The following PALD1 variants were observed in gnomAD, a reference collection of about 807,000 sequenced individuals.
PALD1 encodes the protein phosphatase domain containing paladin 1, also known as paladin.
Under a neutral mutation model 96.0 loss-of-function variants are expected in PALD1, and 57 were observed. The ratio of observed to expected loss-of-function variants is 0.59; its 90% CI spans 0.48 to 0.74. The LOEUF (loss-of-function observed/expected upper bound fraction) is 0.74, where lower values mean the gene tolerates loss of function less well. Ranked by LOEUF, PALD1 falls within the 30% of genes least tolerant of loss-of-function variation. PALD1 has a pLI of 0.00. For synonymous variants in PALD1, 464 were observed against 473.6 expected (o/e 0.98, Z 0.26); for missense variants, 1,063 against 1,143.7 (o/e 0.93, Z 1.02).
chr10:70,478,371 G>A (rs1486396504), upstream of PALD1, among the ~76,000 whole-genome samples: 1 of 152,212 alleles, frequency 6.6e-6, no homozygotes, highest in Admixed American at 6.5e-5. Flanking sequence ...CTGTAAAGCA[G>A]AGGGGGGCGA....
intron 1 of PALD1, among the ~76,000 whole-genome samples, chr10:70,507,840 T>A (rs1030189866): frequency 6.6e-6 from 1 of 152,136 alleles, no homozygotes; most frequent in African/African-American, 2.4e-5. Context: ...TTGCCCAGGC[T>A]AGCTTTTTAT....
chr10:70,532,173 G>T (rs1443721610), intron 5 of PALD1, among the ~76,000 whole-genome samples: 2 of 152,062 alleles, frequency 1.3e-5, no homozygotes, highest in African/African-American at 4.8e-5. Flanking sequence ...GCTTGTGGAG[G>T]CCTCTGAGGC....
rs1283654036 is a variant in PALD1 at position 70,566,732 on chromosome 10, AG to A, written c.*4del. ...LEPSAPEDLL[*>X] ...CCCTCTGCCCCCGAGGACTTGCTGT[AG>A]GGGGCCTTACTCCCTGTCCCCCCAC... On this transcript the variant is annotated frameshift_variant and stop_lost, in exon 20 of 20. Transcript: ENST00000263563. LOFTEE classifies it high-confidence loss of function. 4 of 1,585,498 alleles carry A rather than the reference AG, an allele frequency of 2.5e-6. No homozygotes were observed. Among genetic ancestry groups the A allele is most frequent in the African/African-American group, 1.3e-5 (1 of 74,402 alleles).
upstream of PALD1, among the ~76,000 whole-genome samples, chr10:70,478,303 C>A (rs1322351137): frequency 2.0e-5 from 3 of 152,174 alleles, no homozygotes; most frequent in African/African-American, 7.2e-5. Context: ...CCGCACTGCA[C>A]AGCGAGGCCG....
At position 70,555,547 on chromosome 10, in the gene PALD1, A is replaced by G. The variant is rs1847589039; in HGVS notation, c.2262+8101A>G. Among the ~76,000 whole-genome samples, 3 of 152,198 alleles carry G rather than the reference A, an allele frequency of 2.0e-5. No homozygotes were observed. In the South Asian group the frequency reaches 6.2e-4, roughly 32 times the overall value. On this transcript the variant is annotated intron_variant, in intron 18 of 19. Coordinates refer to ENST00000263563, the MANE Select transcript of PALD1 (RefSeq NM_014431.3). Reference sequence around the variant, plus strand: ...GGAAGCTGCCAGCCGCTACTGTGTGACTGCCTGGGTTGGTGCAGAGTTGGT... The same window carrying G: ...GGAAGCTGCCAGCCGCTACTGTGTGGCTGCCTGGGTTGGTGCAGAGTTGGT...
At chr10:70,530,735 G>A (rs1207252177) in intron 4 of PALD1, among the ~76,000 whole-genome samples, 1 of 152,138 alleles carries the variant, frequency 6.6e-6, no homozygotes, top group African/African-American at 2.4e-5. Flanking sequence ...AGAATGGGGT[G>A]GGGGTGTGGG....
Position 70,538,323 on chromosome 10 carries a change from C to A in PALD1, c.1367C>A (p.Ala456Asp). 1 of 1,606,610 alleles carries A rather than the reference C, an allele frequency of 6.2e-7. No individual in the cohort carries two copies. The highest frequency in any genetic ancestry group is 1.1e-5 in the South Asian group (1 of 91,072). ...FALSFSRWLC[A>D]HPELYRLPVT... ...CTCAGTTTCAGCCGCTGGCTGTGTG[C>A]CCACCCTGAGCTGTACCGCCTGCCC... The change falls in exon 12 of 20, where the codon GCC becomes GAC. Residue 456 changes from alanine (A) to aspartate (D), a missense_variant. Physicochemically the swap from Ala to Asp is moderately radical, Grantham distance 126. Coordinates refer to ENST00000263563, the MANE Select transcript of PALD1 (RefSeq NM_014431.3).
At chr10:70,514,115 C>T (rs555518754) in intron 1 of PALD1, among the ~76,000 whole-genome samples, 8 of 152,248 alleles carry the variant, frequency 5.3e-5, no homozygotes, top group Non-Finnish European at 1.2e-4. Context: ...TGCCACAGTG[C>T]CTCTGCGGGC....
chr10:70,525,851 G>A (rs1479325078), intron 1 of PALD1, 72 bp from the exon 2 acceptor site: 5 of 1,203,116 alleles, frequency 4.2e-6, no homozygotes, highest in African/African-American at 3.0e-5. Context: ...GGTGGAGGGC[G>A]AGAGGTGGGT....
chr10:70,548,463 C>T (rs2132416774), intron 18 of PALD1, among the ~76,000 whole-genome samples: 1 of 152,306 alleles, frequency 6.6e-6, no homozygotes, highest in Non-Finnish European at 1.5e-5. Flanking sequence ...CTAGTGTGGG[C>T]TCTGGAGTTT....
intron 1 of PALD1, among the ~76,000 whole-genome samples, chr10:70,517,681 T>G (rs1341876678): frequency 6.6e-6 from 1 of 152,056 alleles, no homozygotes; most frequent in African/African-American, 2.4e-5. Context: ...ATGTACGCCG[T>G]TGTGTGGCCA....
At chr10:70,513,607 G>C (rs1846562098) in intron 1 of PALD1, among the ~76,000 whole-genome samples, 1 of 152,180 alleles carries the variant, frequency 6.6e-6, no homozygotes, top group Non-Finnish European at 1.5e-5. Context: ...AATCATGAAC[G>C]TCAGACATCA....
At chr10:70,552,874 A>G (rs1455596334) in intron 18 of PALD1, among the ~76,000 whole-genome samples, 1 of 152,132 alleles carries the variant, frequency 6.6e-6, no homozygotes, top group African/African-American at 2.4e-5. Flanking sequence ...GTCTCTTTTA[A>G]TCTCATACAG....
At chr10:70,477,890 A>G (rs529026039), upstream of PALD1, among the ~76,000 whole-genome samples, 1 of 135,916 alleles carries the variant, frequency 7.4e-6, no homozygotes, top group Admixed American at 7.9e-5. Flanking sequence ...ACCAACCACA[A>G]CAAAGCCTAT....
At chr10:70,478,374 G>C (rs1054432186), upstream of PALD1, among the ~76,000 whole-genome samples, 24 of 152,310 alleles carry the variant, frequency 1.6e-4, no homozygotes, top group African/African-American at 5.0e-4. Flanking sequence ...TAAAGCAGAG[G>C]GGGGCGAGGG....
intron 18 of PALD1, among the ~76,000 whole-genome samples, chr10:70,549,023 A>G (rs1847424853): frequency 6.8e-6 from 1 of 147,900 alleles, no homozygotes; most frequent in African/African-American, 2.5e-5. Flanking sequence ...TCCCTGGGCA[A>G]CATAGCAAGA....
intron 1 of PALD1, among the ~76,000 whole-genome samples, chr10:70,498,024 C>T (rs1056506038): frequency 1.3e-5 from 2 of 152,204 alleles, no homozygotes; most frequent in South Asian, 4.2e-4. Flanking sequence ...CCATCCAGCC[C>T]CAGAACTTTT....
chr10:70,463,691 A>C, the PALD1 span, among the ~76,000 whole-genome samples: 1 of 152,226 alleles, frequency 6.6e-6, no homozygotes, highest in African/African-American at 2.4e-5. Flanking sequence ...GGAAAACATC[A>C]GATAAGGACT....
At chr10:70,462,133 TA>T in the PALD1 span, among the ~76,000 whole-genome samples, 1 of 152,180 alleles carries the variant, frequency 6.6e-6, no homozygotes, top group Non-Finnish European at 1.5e-5. Flanking sequence ...ACAAGGGGAC[TA>T]GGGGCAACTC....
Sources: allele counts gnomAD v4.1 joint callset (sites outside exome capture counted in the v4.1 genomes callset), GRCh38; gene constraint gnomAD v4.1.1; transcripts MANE v1.5; gene names NCBI Gene and HGNC (gene_info 2026-07-23, HGNC 2026-07-21).